RSU1: variants seen among roughly 807,000 people sequenced by gnomAD.
RSU1 encodes rsu-1.
A neutral mutation model predicts 31.1 loss-of-function variants in RSU1; 26 were observed. The ratio of observed to expected loss-of-function variants is 0.84; its 90% CI spans 0.61 to 1.16. RSU1 has a LOEUF of 1.16. Among genes scored for constraint, RSU1 ranks in the 50% most tolerant of loss-of-function variants. The pLI is 0.00. For missense variants in RSU1, 320 were observed against 339.1 expected (o/e 0.94, Z 0.44); for synonymous variants, 164 against 136.3 (o/e 1.20, Z -1.41).
intron 8 of RSU1, among the ~76,000 whole-genome samples, chr10:16,634,910 A>T (rs1834320497): frequency 6.6e-6 from 1 of 152,228 alleles, no homozygotes; most frequent in Non-Finnish European, 1.5e-5. Flanking sequence ...CTTTTCATTT[A>T]TTATAGCTCA....
intron 1 of RSU1, 94 bp from the exon 2 acceptor site, chr10:16,817,178 G>A (rs1201386511): frequency 2.2e-6 from 2 of 893,470 alleles, no homozygotes; most frequent in Non-Finnish European, 3.7e-6. Flanking sequence ...GGCTTCCCCA[G>A]GGTTGGAGCG....
At chr10:16,721,157 G>C (rs1836253947) in intron 7 of RSU1, among the ~76,000 whole-genome samples, 1 of 152,152 alleles carries the variant, frequency 6.6e-6, no homozygotes, top group Admixed American at 6.6e-5. Flanking sequence ...GGATACTGAA[G>C]AAAGAGCTCA....
intron 3 of RSU1, among the ~76,000 whole-genome samples, chr10:16,773,035 C>T (rs570427475): frequency 4.0e-5 from 6 of 151,872 alleles, no homozygotes; most frequent in Admixed American, 1.3e-4. Context: ...GGCGAAACCC[C>T]ACCTCTACAA....
At chr10:16,721,879 T>A (rs2131590730) in intron 7 of RSU1, among the ~76,000 whole-genome samples, 1 of 152,274 alleles carries the variant, frequency 6.6e-6, no homozygotes, top group South Asian at 2.1e-4. Context: ...GTGCTTACCT[T>A]ACTAAGGGAT....
chr10:16,767,043 G>C (rs1048872885), intron 3 of RSU1, among the ~76,000 whole-genome samples: 1 of 146,634 alleles, frequency 6.8e-6, no homozygotes, highest in Non-Finnish European at 1.5e-5. Flanking sequence ...AAAAAGAAAA[G>C]AAAATCACCA....
At chr10:16,697,638 T>C (rs1835705101) in intron 7 of RSU1, among the ~76,000 whole-genome samples, 1 of 149,190 alleles carries the variant, frequency 6.7e-6, no homozygotes, top group Non-Finnish European at 1.5e-5. Flanking sequence ...CACTCCAGCC[T>C]GGGTAACAGA....
At chr10:16,640,112 GAC>G (rs913995546) in intron 8 of RSU1, among the ~76,000 whole-genome samples, 2 of 152,056 alleles carry the variant, frequency 1.3e-5, no homozygotes, top group Non-Finnish European at 2.9e-5. Flanking sequence ...GAAAAATTAT[GAC>G]AGGGGAAGAG....
intron 2 of RSU1, among the ~76,000 whole-genome samples, chr10:16,801,726 C>CA (rs140253260): frequency 0.33 from 50,820 of 151,746 alleles, 10,582 homozygotes; most frequent in African/African-American, 0.61. Context: ...AGAAATCAAA[C>CA]GAAAGATAGC....
chr10:16,677,623 C>G lies in RSU1; in HGVS notation c.731+17400G>C, dbSNP rs562520806. Among the ~76,000 whole-genome samples the G allele has an allele frequency of 1.1e-4, 16 of 152,200 alleles. 1 individual carries two copies. In the South Asian group the frequency reaches 3.3e-3, roughly 32 times the overall value. ...TTTGCAGTTCTCTTCTAACCATGTTCCAAAAATTTATAGAGAATATTTTTA... is the reference window on the plus strand; with the variant it reads ...TTTGCAGTTCTCTTCTAACCATGTTGCAAAAATTTATAGAGAATATTTTTA... On this transcript the variant is annotated intron_variant, in intron 8 of 8. Transcript: ENST00000345264.
At chr10:16,649,756 A>G (rs1414694297) in intron 8 of RSU1, among the ~76,000 whole-genome samples, 1 of 152,210 alleles carries the variant, frequency 6.6e-6, no homozygotes, top group African/African-American at 2.4e-5. Context: ...TTAATGTCCA[A>G]ATTTTACCAG....
intron 7 of RSU1, among the ~76,000 whole-genome samples, chr10:16,702,654 T>C (rs1588479578): frequency 6.6e-6 from 1 of 152,252 alleles, no homozygotes; most frequent in East Asian, 1.9e-4. Context: ...ATTTACCCAA[T>C]GCCTATACCT....
At position 16,598,061 on chromosome 10, in the gene RSU1, G is replaced by C. The variant is rs527513554; in HGVS notation, c.732-4565C>G. On this transcript the variant is annotated intron_variant, in intron 8 of 8. Transcript: ENST00000345264. Reference sequence around the variant, plus strand: ...GAGCCACGGGGCCTCAACTGGGCAAGTAAGTGTGGTAGACAGAATCACAGC... The same window carrying C: ...GAGCCACGGGGCCTCAACTGGGCAACTAAGTGTGGTAGACAGAATCACAGC... 1.2e-4 allele frequency among the ~76,000 whole-genome samples: 19 copies of C among 152,342 alleles called. No homozygotes were observed. The South Asian group carries it at 3.7e-3, about 30-fold the overall frequency.
At chr10:16,617,159 G>A (rs1833992163) in intron 8 of RSU1, among the ~76,000 whole-genome samples, 1 of 152,154 alleles carries the variant, frequency 6.6e-6, no homozygotes, top group Non-Finnish European at 1.5e-5. Context: ...AAATCAATGT[G>A]CAAAAATCAC....
chr10:16,686,574 G>A (rs1402624385), intron 8 of RSU1, among the ~76,000 whole-genome samples: 1 of 152,150 alleles, frequency 6.6e-6, no homozygotes, highest in Non-Finnish European at 1.5e-5. Context: ...TCTGTCAAGT[G>A]AGACAAATTA....
At chr10:16,653,536 G>A (rs879058169) in intron 8 of RSU1, among the ~76,000 whole-genome samples, 1 of 152,010 alleles carries the variant, frequency 6.6e-6, no homozygotes, top group Admixed American at 6.6e-5. Flanking sequence ...AAACAATCGA[G>A]ATTTTTTTTT....
At position 16,782,235 on chromosome 10, in the gene RSU1, C is replaced by T. The variant is rs371856760; in HGVS notation, c.110-151G>A. ...AATAGAAGCTAGGATTCATGTAACA[C>T]GATCTATTCAATGTTAAACCAAAGG... On this transcript the variant is annotated intron_variant, in intron 2 of 8. Coordinates refer to ENST00000345264, the MANE Select transcript of RSU1 (RefSeq NM_012425.4). 1.7e-3 allele frequency: 1,027 copies of T among 621,454 alleles called. 21 individuals carry two copies. In the South Asian group the frequency reaches 0.02, roughly 12 times the overall value. The allele number at this position is 621,454 out of a possible 1,614,324, so 38.5% of individuals were successfully genotyped here.
intron 2 of RSU1, among the ~76,000 whole-genome samples, chr10:16,801,102 A>C (rs1283542016): frequency 1.3e-5 from 2 of 151,528 alleles, no homozygotes; most frequent in Non-Finnish European, 2.9e-5. Context: ...TTTTTTAAAA[A>C]AAAAAACAGG....
intron 8 of RSU1, among the ~76,000 whole-genome samples, chr10:16,681,228 T>C (rs1835323084): frequency 6.6e-6 from 1 of 152,226 alleles, no homozygotes; most frequent in Middle Eastern, 3.2e-3. Flanking sequence ...CCACTTTCTC[T>C]AACCTATTAA....
chr10:16,811,318 A>G (rs1435440583), intron 2 of RSU1, among the ~76,000 whole-genome samples: 2 of 152,228 alleles, frequency 1.3e-5, no homozygotes, highest in African/African-American at 2.4e-5. Flanking sequence ...TGCATTTCTC[A>G]TAACGTATCC....
Sources: allele counts gnomAD v4.1 joint callset (sites outside exome capture counted in the v4.1 genomes callset), GRCh38; gene constraint gnomAD v4.1.1; transcripts MANE v1.5; gene names NCBI Gene and HGNC (gene_info 2026-07-23, HGNC 2026-07-21).